Variants in MYO7B observed in about 807,000 individuals in gnomAD.
MYO7B encodes the protein unconventional myosin-VIIb.
A neutral mutation model predicts 259.7 loss-of-function variants in MYO7B; 212 were observed. That is an observed-to-expected ratio of 0.82 (90% confidence interval 0.73 to 0.91). The LOEUF (loss-of-function observed/expected upper bound fraction) is 0.91, where lower values mean the gene tolerates loss of function less well. Ranked by LOEUF, MYO7B falls within the 40% of genes least tolerant of loss-of-function variation. The pLI is 0.00. For synonymous variants in MYO7B, 1,197 were observed against 1,166.4 expected, an observed-to-expected ratio of 1.03 and a Z score of -0.54; for missense variants, 2,732 against 2,813.5, an observed-to-expected ratio of 0.97 and a Z score of 0.66.
chr2:127,628,659 G>C lies in MYO7B; in HGVS notation c.4624+124G>C. Reference sequence around the variant, plus strand: ...CACAAGGCAAGCAGAGGGAGGGAAGGCCCCAAAGCTCTGTGGGGGCAGCTT... The same window carrying C: ...CACAAGGCAAGCAGAGGGAGGGAAGCCCCCAAAGCTCTGTGGGGGCAGCTT... On this transcript the variant is annotated intron_variant, in intron 34 of 47. Transcript: ENST00000409816. This position sits in a 1 kb window ranked among gnomAD's most constrained non-coding sequence, Gnocchi z 4.8. The C allele has an allele frequency of 7.5e-6, 8 of 1,068,436 alleles. No individual in the cohort carries two copies. The highest frequency in any genetic ancestry group is 1.1e-5 in the Non-Finnish European group (8 of 750,568). 66.2% of individuals were successfully genotyped at this position (1,068,436 alleles called of 1,614,324 possible). A position where few individuals can be genotyped will look rare whatever the true frequency, so the allele number is the denominator to read the frequency against.
intron 28 of MYO7B, 120 bp from the exon 29 acceptor site, chr2:127,623,082 A>G (rs1211086548): frequency 8.2e-7 from 1 of 1,216,532 alleles, no homozygotes; most frequent in Non-Finnish European, 1.1e-6. Context: ...ACCCCTGGGA[A>G]CCCACGGGAT....
intron 43 of MYO7B, 121 bp downstream of exon 43, chr2:127,635,347 G>A (rs1681745131): frequency 1.1e-6 from 1 of 941,874 alleles, no homozygotes; most frequent in Non-Finnish European, 1.6e-6. Flanking sequence ...ACCAGCCCAT[G>A]TGGTAGGCAG....
Position 127,609,157 on chromosome 2 carries a change from C to T in MYO7B, c.2814+279C>T, listed in dbSNP as rs1025091549. On this transcript the variant is annotated intron_variant, in intron 22 of 47. Coordinates refer to ENST00000409816, the MANE Select transcript of MYO7B (RefSeq NM_001393586.1). This position sits in a 1 kb window ranked among gnomAD's most constrained non-coding sequence, Gnocchi z 6.9. ...CATGGCATTCCCCGCGTATATTTGA[C>T]CCCACCCGGGCACCCCCAGAGCACC... Among the ~76,000 whole-genome samples the T allele has an allele frequency of 6.6e-6, 1 of 152,190 alleles. No individual in the cohort carries two copies. Among genetic ancestry groups the T allele is most frequent in the African/African-American group, 2.4e-5 (1 of 41,452 alleles).
intron 10 of MYO7B, among the ~76,000 whole-genome samples, 162 bp from the exon 11 acceptor site, chr2:127,581,729 T>C (rs1679108284): frequency 6.6e-6 from 1 of 152,100 alleles, no homozygotes; most frequent in South Asian, 2.1e-4. Context: ...AATCCTTCCC[T>C]AACAGCTCCC....
At chr2:127,623,513 C>T (rs1680945832) in intron 29 of MYO7B, 138 bp downstream of exon 29, 3 of 914,866 alleles carry the variant, frequency 3.3e-6, no homozygotes, top group Non-Finnish European at 4.8e-6. Flanking sequence ...TGCTTACCCT[C>T]CCAGCCACCA....
In MYO7B at chr2:127,635,761, C is replaced by T. The variant is rs200149655; in HGVS notation, c.5860C>T (p.Arg1954Trp). The T allele has an allele frequency of 1.4e-3, 2,315 of 1,602,934 alleles. 4 individuals carry two copies. The highest frequency in any genetic ancestry group is 2.6e-3 in the Middle Eastern group (16 of 6,050). ...CCTGCGCGGATTCCACAAGTGTTCG[C>T]GGGAGGATGCCATCCACCTGGCGGG... ...KYLRGFHKCS[R>W]EDAIHLAGLI... Residue 1954 changes from arginine to tryptophan, a missense_variant, in exon 44 of 48, where the codon CGG becomes TGG. Coordinates refer to ENST00000409816, the MANE Select transcript of MYO7B (RefSeq NM_001393586.1).
intron 11 of MYO7B, 32 bp from the exon 12 acceptor site, chr2:127,582,272 C>T (rs1558814693): frequency 1.9e-6 from 3 of 1,609,784 alleles, no homozygotes; most frequent in Non-Finnish European, 1.7e-6. Flanking sequence ...AGCCTCCAAG[C>T]CCAGGATTCT....
chr2:127,600,942 A>C (rs1402889456), intron 19 of MYO7B, among the ~76,000 whole-genome samples: 2 of 152,244 alleles, frequency 1.3e-5, no homozygotes, highest in African/African-American at 4.8e-5. Context: ...TTTCTAATGT[A>C]GAGTGATATA....
rs745474687 is a variant in MYO7B at position 127,637,667 on chromosome 2, G to A, written c.*250G>A. ...CTATTGGTGGATGACTGACTGACAG[G>A]ACACCTCCCAACCCCACCCCACCCC... On this transcript the variant is annotated 3_prime_UTR_variant, in exon 48 of 48. Coordinates refer to ENST00000409816, the MANE Select transcript of MYO7B (RefSeq NM_001393586.1). 3 of 424,500 alleles carry A rather than the reference G, an allele frequency of 7.1e-6. No individual in the cohort carries two copies. The highest frequency in any genetic ancestry group is 1.3e-5 in the Non-Finnish European group (3 of 239,886). 26.3% of individuals were successfully genotyped at this position (424,500 alleles called of 1,614,324 possible).
At chr2:127,543,849 A>G (rs1445662494) in intron 1 of MYO7B, among the ~76,000 whole-genome samples, 1 of 151,650 alleles carries the variant, frequency 6.6e-6, no homozygotes, top group Non-Finnish European at 1.5e-5. Flanking sequence ...GGTTCACGCC[A>G]TTCTCCTGCC....
intron 1 of MYO7B, among the ~76,000 whole-genome samples, chr2:127,538,908 C>T (rs894117552): frequency 6.6e-6 from 1 of 152,154 alleles, no homozygotes; most frequent in African/African-American, 2.4e-5. Flanking sequence ...AGTCACCTAC[C>T]AAATGTGGGG....
rs1447899827 is a variant in MYO7B at position 127,588,435 on chromosome 2, C to T, written c.1734C>T (p.Leu578=). 1.2e-6 allele frequency: 2 copies of T among 1,613,066 alleles called. No homozygotes were observed. Among genetic ancestry groups the T allele is most frequent in the Non-Finnish European group, 1.7e-6 (2 of 1,179,870 alleles). ...KNRDVLSTDI[L]TLVYSSKNKF... Reference sequence around the variant, plus strand: ...GAGACGTGCTGAGCACAGATATCCTCACCCTGGTTTACTCCTCCAAAAACA... The same window carrying T: ...GAGACGTGCTGAGCACAGATATCCTTACCCTGGTTTACTCCTCCAAAAACA... The change falls in exon 15 of 48, where the codon CTC becomes CTT. Residue 578 remains leucine (L), a synonymous_variant. Coordinates refer to ENST00000409816, the MANE Select transcript of MYO7B (RefSeq NM_001393586.1).
In MYO7B at chr2:127,586,796, G is replaced by A. The variant is rs1679323381; in HGVS notation, c.1691-1596G>A. 6.6e-6 allele frequency among the ~76,000 whole-genome samples: 1 copy of A among 152,104 alleles called. No individual in the cohort carries two copies. ...ATACCATGCTGTGCTGATGACCTCA[G>A]CTTTACTTACTCTGCCTGTTGGGAG... On this transcript the variant is annotated intron_variant, in intron 14 of 47. Coordinates refer to ENST00000409816, the MANE Select transcript of MYO7B (RefSeq NM_001393586.1). This position sits in a 1 kb window ranked among gnomAD's most constrained non-coding sequence, Gnocchi z 4.8.
At chr2:127,554,757 G>T (rs991474849) in intron 1 of MYO7B, among the ~76,000 whole-genome samples, 1 of 151,944 alleles carries the variant, frequency 6.6e-6, no homozygotes, top group Non-Finnish European at 1.5e-5. Flanking sequence ...TGTCAGTCTT[G>T]CTGCTTATTA....
rs1294727764 is a variant in MYO7B at position 127,625,467 on chromosome 2, C to T, written c.4147C>T (p.Pro1383Ser). The change falls in exon 31 of 48, where the codon CCC becomes TCC. Residue 1383 changes from proline to serine, a missense_variant. Coordinates refer to ENST00000409816, the MANE Select transcript of MYO7B (RefSeq NM_001393586.1). ...AVQELLPSCI[P>S]HKLYRTKPPD... is the part of the protein sequence containing the mutation. ...CCAGGAGCTGCTGCCCAGCTGCATC[C>T]CCCACAAGCTGTACAGGACCAAGCC... 1 of 1,612,382 alleles carries T rather than the reference C, an allele frequency of 6.2e-7. No individual in the cohort carries two copies. The highest frequency in any genetic ancestry group is 1.3e-5 in the African/African-American group (1 of 74,912).
At chr2:127,631,509 C>T in intron 37 of MYO7B, 91 bp from the exon 38 acceptor site, 1 of 1,532,090 alleles carries the variant, frequency 6.5e-7, no homozygotes, top group Non-Finnish European at 8.8e-7. Flanking sequence ...CCACACATGG[C>T]TCACCGCAGG....
rs1029902291 is a variant in MYO7B, at chr2:127,615,197, A to C, written c.3398+2594A>C. Among the ~76,000 whole-genome samples the C allele has an allele frequency of 1.3e-5, 2 of 152,128 alleles. No homozygotes were observed. The highest frequency in any genetic ancestry group is 4.8e-5 in the African/African-American group (2 of 41,438). ...AGGTGCACCAAGGAGGAGTGGCCTT[A>C]GTGCCTACCTGGGCCAAGGAAGGAG... On this transcript the variant is annotated intron_variant, in intron 26 of 47. Coordinates refer to ENST00000409816, the MANE Select transcript of MYO7B (RefSeq NM_001393586.1). The surrounding 1 kb of genome is among the most constrained non-coding windows in gnomAD (Gnocchi z 4.4).
intron 2 of MYO7B, among the ~76,000 whole-genome samples, chr2:127,560,358 C>T (rs757504633): frequency 2.0e-5 from 3 of 152,094 alleles, no homozygotes; most frequent in Non-Finnish European, 2.9e-5. Flanking sequence ...CGGCAGTTGC[C>T]GGGAGCTCCC....
rs944164252 is a variant in MYO7B, at chr2:127,637,610, C to T, written c.*193C>T. 1 of 477,712 alleles carries T rather than the reference C, an allele frequency of 2.1e-6. No individual in the cohort carries two copies. The highest frequency in any genetic ancestry group is 4.8e-5 in the South Asian group (1 of 20,756). The allele number at this position is 477,712 out of a possible 1,614,324, so 29.6% of individuals were successfully genotyped here. A position where few individuals can be genotyped will look rare whatever the true frequency, so the allele number is the denominator to read the frequency against. ...GCCCAGGGAGGCCAAAAGACGGGCC[C>T]AGAATGGGGTCGGGAGTCTCGGACC... On this transcript the variant is annotated 3_prime_UTR_variant, in exon 48 of 48. Coordinates refer to ENST00000409816, the MANE Select transcript of MYO7B (RefSeq NM_001393586.1).
Sources: gnomAD v4.1 joint callset for allele counts (sites outside exome capture counted in the v4.1 genomes callset) on GRCh38, gnomAD v4.1.1 for gene constraint, Gnocchi (gnomAD v3.1) non-coding constraint, MANE v1.5 for transcripts, NCBI Gene and HGNC (gene_info 2026-07-23, HGNC 2026-07-21) for gene names.